The following SIGLEC15 variants were observed in gnomAD, a reference collection of about 807,000 sequenced individuals.
The protein encoded by SIGLEC15 is sialic acid-binding Ig-like lectin 15.
Under a neutral mutation model 26.2 loss-of-function variants are expected in SIGLEC15, and 31 were observed. The observed-to-expected ratio is 1.18, with a 90% CI of 0.89 to 1.60. SIGLEC15 has a LOEUF of 1.60. Ranked by LOEUF, SIGLEC15 falls within the 40% of genes most tolerant of loss-of-function variation. The pLI is 0.00. For missense variants in SIGLEC15, 501 were observed against 488.4 expected, an observed-to-expected ratio of 1.03 and a Z score of -0.24; for synonymous variants, 207 against 221.9, an observed-to-expected ratio of 0.93 and a Z score of 0.60.
rs912554123 is a variant in SIGLEC15, at chr18:45,844,033, C to T, written c.*1846C>T. ...AAGATATGGAATCAGCCTAAGTGTC[C>T]ATCCACGAATGAATGAAGAAAATGA... On this transcript the variant is annotated 3_prime_UTR_variant, in exon 6 of 6. Coordinates refer to ENST00000389474, the MANE Select transcript of SIGLEC15 (RefSeq NM_213602.3). 1 of 151,888 alleles carries T rather than the reference C, an allele frequency of 6.6e-6. No individual in the cohort carries two copies. Among genetic ancestry groups the T allele is most frequent in the African/African-American group, 2.4e-5 (1 of 41,312 alleles). The allele number at this position is 151,888 out of a possible 1,614,324, so 9.4% of individuals were successfully genotyped here.
At chr18:45,833,093 C>T (rs891789412) in intron 1 of SIGLEC15, among the ~76,000 whole-genome samples, 1 of 152,116 alleles carries the variant, frequency 6.6e-6, no homozygotes, top group African/African-American at 2.4e-5. Flanking sequence ...ATTTGCAGCA[C>T]ACTTCAGGAC....
chr18:45,837,123 T>A, intron 2 of SIGLEC15, 35 bp downstream of exon 2: 4 of 1,611,028 alleles, frequency 2.5e-6, no homozygotes, highest in Non-Finnish European at 3.4e-6. Context: ...ATCTCGGGGA[T>A]CTTGGGAGTC....
At chr18:45,827,741 G>A (rs539349194) in intron 1 of SIGLEC15, among the ~76,000 whole-genome samples, 1 of 152,212 alleles carries the variant, frequency 6.6e-6, no homozygotes, top group African/African-American at 2.4e-5. Flanking sequence ...ATGAAACCTT[G>A]CCAAAGTCAC....
chr18:45,837,678 T>A lies in SIGLEC15; in HGVS notation c.278T>A (p.Phe93Tyr). 6.7e-7 allele frequency: 1 copy of A among 1,482,960 alleles called. No individual in the cohort carries two copies. The highest frequency in any genetic ancestry group is 1.5e-5 in the African/African-American group (1 of 68,208). 91.9% of individuals were successfully genotyped at this position (1,482,960 alleles called of 1,614,324 possible). A position where few individuals can be genotyped will look rare whatever the true frequency, so the allele number is the denominator to read the frequency against. ...AGEPYAGPQV[F>Y]RCAAARGSEL... ...GAGCCCTATGCGGGCCCGCAGGTGT[T>A]CCGCTGCGCTGCGGCGCGGGGCAGC... is the stretch of plus-strand genomic sequence containing the variant. The change falls in exon 3 of 6, where the codon TTC (phenylalanine) becomes TAC (tyrosine). Residue 93 changes from phenylalanine (F) to tyrosine (Y), a missense_variant. Coordinates refer to ENST00000389474, the MANE Select transcript of SIGLEC15 (RefSeq NM_213602.3).
chr18:45,837,236 A>G (rs557807253), intron 2 of SIGLEC15, 148 bp downstream of exon 2: 125 of 1,377,006 alleles, frequency 9.1e-5, no homozygotes, highest in Non-Finnish European at 1.1e-4. Context: ...GTGAATTAGG[A>G]AACGAAGAGG....
chr18:45,836,514 G>A (rs1341115577), intron 1 of SIGLEC15, among the ~76,000 whole-genome samples: 1 of 152,142 alleles, frequency 6.6e-6, no homozygotes, highest in Non-Finnish European at 1.5e-5. Context: ...AGCACACATA[G>A]GCAACCACAC....
intron 1 of SIGLEC15, among the ~76,000 whole-genome samples, chr18:45,830,165 T>G (rs924400397): frequency 9.9e-5 from 15 of 152,258 alleles, no homozygotes; most frequent in African/African-American, 3.6e-4. Flanking sequence ...ATTCCTGCTT[T>G]GCTTTTTTCC....
intron 1 of SIGLEC15, chr18:45,829,220 G>C (rs548516191): frequency 3.2e-6 from 3 of 927,478 alleles, no homozygotes; most frequent in Admixed American, 6.2e-5. Flanking sequence ...GTCAGCCTGC[G>C]GCAGAGGCAT....
intron 2 of SIGLEC15, 51 bp from the exon 3 acceptor site, chr18:45,837,462 G>A (rs2048284618): frequency 1.4e-6 from 2 of 1,424,640 alleles, no homozygotes; most frequent in Non-Finnish European, 1.8e-6. Context: ...CCCGGGTGCG[G>A]GCGCCTCGAC....
chr18:45,837,654 A>AGCCCTATGCGGGCCC lies in SIGLEC15; in HGVS notation c.257_271dup (p.Pro86_Pro90dup), dbSNP rs1273646904. ...CTGACGGCCATCTGGCGCGCGGGCG[A>AGCCCTATGCGGGCCC]GCCCTATGCGGGCCCGCAGGTGTTC... On this transcript the variant is annotated inframe_insertion, in exon 3 of 6. Transcript: ENST00000389474. The AGCCCTATGCGGGCCC allele has an allele frequency of 2.0e-6, 3 of 1,504,138 alleles. No individual in the cohort carries two copies. Among genetic ancestry groups the AGCCCTATGCGGGCCC allele is most frequent in the African/African-American group, 1.4e-5 (1 of 68,980 alleles). 93.2% of individuals were successfully genotyped at this position (1,504,138 alleles called of 1,614,324 possible).
rs564537225 is a variant in SIGLEC15 at position 45,837,528 on chromosome 18, G to T, written c.128G>T (p.Arg43Leu). ...NTEVHSSPAQ[R>L]WSMQVPPEVS... is the part of the protein sequence containing the mutation. ...CCGCCCTCAGGCTCGCCAGCGCAGC[G>T]CTGGTCCATGCAGGTGCCACCCGAG... is the stretch of plus-strand genomic sequence containing the variant. The change falls in exon 3 of 6, where the codon CGC becomes CTC. Residue 43 changes from arginine (R) to leucine (L), a missense_variant. Coordinates refer to ENST00000389474, the MANE Select transcript of SIGLEC15 (RefSeq NM_213602.3). 1,251 of 1,516,524 alleles carry T rather than the reference G, an allele frequency of 8.2e-4. 7 individuals carry two copies. The African/African-American group carries it at 0.011, about 13-fold the overall frequency. The allele number at this position is 1,516,524 out of a possible 1,614,324, so 93.9% of individuals were successfully genotyped here.
intron 1 of SIGLEC15, among the ~76,000 whole-genome samples, chr18:45,834,379 GAC>G (rs2048259555): frequency 6.6e-6 from 1 of 152,192 alleles, no homozygotes; most frequent in Non-Finnish European, 1.5e-5. Flanking sequence ...GTCTGGACAA[GAC>G]ACACAGTTCA....
chr18:45,834,907 G>C (rs945651062), intron 1 of SIGLEC15, among the ~76,000 whole-genome samples: 4 of 152,216 alleles, frequency 2.6e-5, no homozygotes, highest in African/African-American at 4.8e-5. Flanking sequence ...CTCAAGATTG[G>C]AGAGATGCTT....
chr18:45,833,036 G>C (rs1339210642), intron 1 of SIGLEC15, among the ~76,000 whole-genome samples: 1 of 152,016 alleles, frequency 6.6e-6, no homozygotes, highest in Non-Finnish European at 1.5e-5. Context: ...TTCCCATTCT[G>C]CTCCTAGAGC....
rs529344368 is a variant in SIGLEC15, at chr18:45,837,638, A to C, written c.238A>C (p.Ile80Leu). 24 of 1,507,230 alleles carry C rather than the reference A, an allele frequency of 1.6e-5. No individual in the cohort carries two copies. Among genetic ancestry groups the C allele is most frequent in the Non-Finnish European group, 2.0e-5 (23 of 1,135,728 alleles). The allele number at this position is 1,507,230 out of a possible 1,614,324, so 93.4% of individuals were successfully genotyped here. The change falls in exon 3 of 6, where the codon ATC becomes CTC. Residue 80 changes from isoleucine to leucine, a missense_variant. Ile to Leu is a conservative substitution (Grantham distance 5). Coordinates refer to ENST00000389474, the MANE Select transcript of SIGLEC15 (RefSeq NM_213602.3). Reference sequence around the variant, plus strand: ...CCACTACGACGGGCCGCTGACGGCCATCTGGCGCGCGGGCGAGCCCTATGC... The same window carrying C: ...CCACTACGACGGGCCGCTGACGGCCCTCTGGCGCGCGGGCGAGCCCTATGC... ...HRHYDGPLTA[I>L]WRAGEPYAGP...
intron 1 of SIGLEC15, among the ~76,000 whole-genome samples, chr18:45,826,138 C>T (rs2048183374): frequency 6.6e-6 from 1 of 151,952 alleles, no homozygotes; most frequent in African/African-American, 2.4e-5. Context: ...CACCCAAGTG[C>T]CGTGTGTTTT....
At chr18:45,837,235 G>T in intron 2 of SIGLEC15, 147 bp downstream of exon 2, 2 of 1,376,952 alleles carry the variant, frequency 1.5e-6, no homozygotes, top group Non-Finnish European at 1.9e-6. Flanking sequence ...GGTGAATTAG[G>T]AAACGAAGAG....
At position 45,843,937 on chromosome 18, in the gene SIGLEC15, CA is replaced by C. The variant is rs1457398881; in HGVS notation, c.*1751del. On this transcript the variant is annotated 3_prime_UTR_variant, in exon 6 of 6. Transcript: ENST00000389474. Reference sequence around the variant, plus strand: ...AGTAATCCCACTGCTGGGTATCTGTCAGCAAGGAAATCAGTATATTGAAAAG... The same window carrying C: ...AGTAATCCCACTGCTGGGTATCTGTCGCAAGGAAATCAGTATATTGAAAAG... 4 of 152,130 alleles carry C rather than the reference CA, an allele frequency of 2.6e-5. No individual in the cohort carries two copies. The highest frequency in any genetic ancestry group is 9.7e-5 in the African/African-American group (4 of 41,424). The allele number at this position is 152,130 out of a possible 1,614,324, so 9.4% of individuals were successfully genotyped here. A position where few individuals can be genotyped will look rare whatever the true frequency, so the allele number is the denominator to read the frequency against.
At chr18:45,835,825 G>T (rs1242571027) in intron 1 of SIGLEC15, among the ~76,000 whole-genome samples, 2 of 152,146 alleles carry the variant, frequency 1.3e-5, no homozygotes, top group Non-Finnish European at 2.9e-5. Flanking sequence ...CACACCTGGA[G>T]CCCCCAGGCT....
Sources: allele counts gnomAD v4.1 joint callset (sites outside exome capture counted in the v4.1 genomes callset), GRCh38; gene constraint gnomAD v4.1.1; transcripts MANE v1.5; gene names NCBI Gene and HGNC (gene_info 2026-07-23, HGNC 2026-07-21).